The following CUX2 variants were observed in gnomAD, a reference collection of about 807,000 sequenced individuals.
CUX2 encodes the protein cut like homeobox 2.
Under a neutral mutation model 144.8 loss-of-function variants are expected in CUX2, and 40 were observed. That is an observed-to-expected ratio of 0.28 (90% CI 0.21 to 0.36). The LOEUF (loss-of-function observed/expected upper bound fraction) is 0.36. CUX2 is among the 10% of genes least tolerant of loss of function. CUX2 has a pLI of 1.00. For synonymous variants in CUX2, 827 were observed against 875.6 expected (o/e 0.94, Z 0.98); for missense variants, 1,615 against 1,994.0 (o/e 0.81, Z 3.62).
intron 1 of CUX2, among the ~76,000 whole-genome samples, chr12:111,069,943 C>T (rs1011633145): frequency 7.2e-5 from 11 of 152,262 alleles, no homozygotes; most frequent in Middle Eastern, 3.4e-3. Flanking sequence ...GCTTCAGTCT[C>T]TACAGGACCC....
At chr12:111,060,526 G>A (rs942667730) in intron 1 of CUX2, among the ~76,000 whole-genome samples, 5 of 152,206 alleles carry the variant, frequency 3.3e-5, no homozygotes, top group African/African-American at 1.2e-4. Context: ...GGCAGCATTT[G>A]TATCTGTCTT....
intron 1 of CUX2, among the ~76,000 whole-genome samples, chr12:111,120,248 G>C (rs1201893387): frequency 2.0e-5 from 3 of 152,090 alleles, no homozygotes; most frequent in East Asian, 3.9e-4. Context: ...GTTGTGCCCG[G>C]GGTACAACAC....
At chr12:111,279,658 A>G (rs1206853235) in intron 4 of CUX2, among the ~76,000 whole-genome samples, 1 of 151,960 alleles carries the variant, frequency 6.6e-6, no homozygotes, top group Non-Finnish European at 1.5e-5. Context: ...ACTGCCCTCC[A>G]GTCTGGGCAA....
rs201349032 is a variant in CUX2 at position 111,306,909 on chromosome 12, C to G, written c.859-12C>G. 6.3e-7 allele frequency: 1 copy of G among 1,580,742 alleles called. No homozygotes were observed. Among genetic ancestry groups the G allele is most frequent in the African/African-American group, 1.3e-5 (1 of 74,354 alleles). On this transcript the variant is annotated splice_polypyrimidine_tract_variant and intron_variant, in intron 10 of 21. Coordinates refer to ENST00000261726, the MANE Select transcript of CUX2 (RefSeq NM_015267.4). ...TCACCTCTCAGCCCCTCAAAGACCC[C>G]TTTGCCTGCAGGATAAGGTGAACTT...
intron 1 of CUX2, among the ~76,000 whole-genome samples, chr12:111,096,945 C>T (rs537320625): frequency 6.6e-6 from 1 of 152,046 alleles, no homozygotes; most frequent in South Asian, 2.1e-4. Flanking sequence ...CCACTGCACT[C>T]CAGCCTGGGC....
chr12:111,185,179 A>C (rs775729008), intron 1 of CUX2, among the ~76,000 whole-genome samples: 5 of 152,256 alleles, frequency 3.3e-5, no homozygotes, highest in Non-Finnish European at 5.9e-5. Context: ...TTAGAAGAAC[A>C]CAGAATAAAG....
chr12:111,244,789 C>G (rs1047074306), intron 3 of CUX2, among the ~76,000 whole-genome samples: 7 of 152,158 alleles, frequency 4.6e-5, no homozygotes, highest in African/African-American at 1.7e-4. Context: ...ATAAACTCCT[C>G]TCCCCCAGGG....
intron 10 of CUX2, among the ~76,000 whole-genome samples, chr12:111,306,220 C>T (rs559582251): frequency 1.3e-5 from 2 of 151,726 alleles, no homozygotes; most frequent in Non-Finnish European, 2.9e-5. Flanking sequence ...CAGTGGCACT[C>T]GATGCTAATT....
intron 3 of CUX2, among the ~76,000 whole-genome samples, chr12:111,231,658 C>T (rs1039295516): frequency 7.9e-5 from 12 of 152,172 alleles, no homozygotes; most frequent in African/African-American, 2.7e-4. Context: ...GTTCCATGAA[C>T]TCAACCAGCC....
intron 1 of CUX2, among the ~76,000 whole-genome samples, chr12:111,189,227 G>A (rs1879735400): frequency 6.6e-6 from 1 of 152,126 alleles, no homozygotes; most frequent in African/African-American, 2.4e-5. Context: ...AGCCATGATT[G>A]CACCTCTATA....
intron 1 of CUX2, among the ~76,000 whole-genome samples, chr12:111,047,068 G>T (rs1447660078): frequency 6.6e-6 from 1 of 152,228 alleles, no homozygotes; most frequent in East Asian, 1.9e-4. Context: ...GTGAGAGAAA[G>T]CTCCCGGTTC....
intron 1 of CUX2, among the ~76,000 whole-genome samples, chr12:111,182,159 T>C (rs1188417984): frequency 6.6e-6 from 1 of 151,978 alleles, no homozygotes; most frequent in Non-Finnish European, 1.5e-5. Context: ...CTGTGATGGG[T>C]TTAATCTGTG....
chr12:111,139,982 T>C (rs1240184230), intron 1 of CUX2, among the ~76,000 whole-genome samples: 1 of 152,084 alleles, frequency 6.6e-6, no homozygotes, highest in Non-Finnish European at 1.5e-5. Flanking sequence ...GTCTGTGAAA[T>C]GGGGATATAA....
At chr12:111,260,167 A>AT (rs1024947931) in intron 3 of CUX2, among the ~76,000 whole-genome samples, 7 of 150,844 alleles carry the variant, frequency 4.6e-5, no homozygotes, top group South Asian at 2.1e-4. Context: ...TCCAAAAAAA[A>AT]TTTTTTTTTA....
intron 1 of CUX2, among the ~76,000 whole-genome samples, chr12:111,169,010 C>T (rs1301834761): frequency 6.6e-6 from 1 of 152,064 alleles, no homozygotes; most frequent in Admixed American, 6.5e-5. Flanking sequence ...CATTGAATGG[C>T]ATCCGCCAAA....
intron 1 of CUX2, among the ~76,000 whole-genome samples, chr12:111,132,224 C>T (rs1049771816): frequency 1.3e-5 from 2 of 152,186 alleles, no homozygotes; most frequent in Admixed American, 6.5e-5. Context: ...AGCCATGGCC[C>T]GAGCTGTACA....
intron 1 of CUX2, among the ~76,000 whole-genome samples, chr12:111,158,944 C>G (rs1430085582): frequency 6.6e-6 from 1 of 152,120 alleles, no homozygotes; most frequent in Non-Finnish European, 1.5e-5. Context: ...AACTTATTTC[C>G]TTCATGGACA....
intron 3 of CUX2, among the ~76,000 whole-genome samples, chr12:111,262,524 A>T (rs950139675): frequency 7.9e-5 from 12 of 151,894 alleles, no homozygotes; most frequent in Non-Finnish European, 1.5e-4. Context: ...GACAACAGGC[A>T]CGAGCCACCC....
At chr12:111,288,032 C>T (rs1025856372) in intron 4 of CUX2, among the ~76,000 whole-genome samples, 2 of 152,152 alleles carry the variant, frequency 1.3e-5, no homozygotes, top group Non-Finnish European at 2.9e-5. Flanking sequence ...AATAAACATG[C>T]ATTAGAACTG....
Sources: gnomAD v4.1 joint callset for allele counts (sites outside exome capture counted in the v4.1 genomes callset) on GRCh38, gnomAD v4.1.1 for gene constraint, MANE v1.5 for transcripts, NCBI Gene and HGNC (gene_info 2026-07-23, HGNC 2026-07-21) for gene names.